PCDH15: variants seen among roughly 807,000 people sequenced by gnomAD.
The protein encoded by PCDH15 is protocadherin related 15, also known as protocadherin-15.
In PCDH15, 129 loss-of-function variants were observed where a neutral mutation model predicts 178.5. The ratio of observed to expected loss-of-function variants is 0.72; its 90% CI spans 0.63 to 0.84. The LOEUF is 0.84. Among genes scored for constraint, PCDH15 ranks in the 40% least tolerant of loss-of-function variants. The pLI, the probability that PCDH15 is intolerant of heterozygous loss-of-function variation, is 0.00. For missense variants in PCDH15, 2,230 were observed against 2,099.9 expected (o/e 1.06, Z -1.21); for synonymous variants, 800 against 732.0 (o/e 1.09, Z -1.50).
At chr10:54,538,714 G>T (rs1168249805) in intron 2 of PCDH15, among the ~76,000 whole-genome samples, 1 of 152,174 alleles carries the variant, frequency 6.6e-6, no homozygotes, top group African/African-American at 2.4e-5. Context: ...CACAAGATCT[G>T]GTTGTTTTGA....
chr10:54,325,799 G>A (rs1937894425), intron 7 of PCDH15, among the ~76,000 whole-genome samples: 1 of 151,794 alleles, frequency 6.6e-6, no homozygotes, highest in African/African-American at 2.4e-5. Flanking sequence ...GTCCCAGCTA[G>A]TTGGGAGGCT....
intron 9 of PCDH15, among the ~76,000 whole-genome samples, chr10:54,224,079 T>C (rs1309088693): frequency 6.6e-6 from 1 of 152,208 alleles, no homozygotes; most frequent in Non-Finnish European, 1.5e-5. Context: ...TGTTTATCTT[T>C]ACATATAAAA....
At chr10:54,974,236 AAAG>A (rs1256302544) in intron 2 of PCDH15, among the ~76,000 whole-genome samples, 1 of 152,122 alleles carries the variant, frequency 6.6e-6, no homozygotes, top group Non-Finnish European at 1.5e-5. Context: ...CAAAGAAGCT[AAAG>A]AAGTATTATA....
chr10:53,905,447 C>T (rs1238765781), intron 25 of PCDH15, among the ~76,000 whole-genome samples: 1 of 152,190 alleles, frequency 6.6e-6, no homozygotes, highest in Non-Finnish European at 1.5e-5. Context: ...CATTCTCCTG[C>T]CTCAGCGTCC....
intron 2 of PCDH15, among the ~76,000 whole-genome samples, chr10:55,520,682 G>C (rs1413881119): frequency 6.6e-6 from 1 of 151,478 alleles, no homozygotes; most frequent in African/African-American, 2.4e-5. Flanking sequence ...AAATGATTGA[G>C]AATGATACTT....
rs945426010 is a variant in PCDH15 at position 54,189,485 on chromosome 10, A to T, written c.1306-4217T>A. 4 of 663,892 alleles carry T rather than the reference A, an allele frequency of 6.0e-6. No individual in the cohort carries two copies. In the East Asian group the frequency reaches 1.4e-4, roughly 23 times the overall value. 41.1% of individuals were successfully genotyped at this position (663,892 alleles called of 1,614,324 possible). A position where few individuals can be genotyped will look rare whatever the true frequency, so the allele number is the denominator to read the frequency against. ...CCACTTCCAGCACACTAGACTGACA[A>T]TTTTTTTCAGAGTATACAATTTTTT... On this transcript the variant is annotated intron_variant, in intron 11 of 37. Coordinates refer to ENST00000644397, the MANE Select transcript of PCDH15 (RefSeq NM_001384140.1).
intron 3 of PCDH15, among the ~76,000 whole-genome samples, chr10:54,435,918 C>T (rs902941601): frequency 4.6e-5 from 7 of 150,900 alleles, no homozygotes; most frequent in Non-Finnish European, 5.9e-5. Context: ...TGCAGGGAGC[C>T]GAGATCGTGC....
At position 54,922,422 on chromosome 10, in the gene PCDH15, G is replaced by A. The variant is rs1158106212; in HGVS notation, c.-79-24922C>T. On this transcript the variant is annotated intron_variant, in intron 2 of 5. Coordinates refer to the PCDH15 transcript ENST00000458638. ...GCCCTATGCAATTCCAAACCCAGCCGGGCAGTCATTAAATCTCAAAGCTTA... is the reference window on the plus strand; with the variant it reads ...GCCCTATGCAATTCCAAACCCAGCCAGGCAGTCATTAAATCTCAAAGCTTA... Among the ~76,000 whole-genome samples the A allele has an allele frequency of 6.7e-4, 102 of 152,194 alleles. 1 individual carries two copies. The highest frequency in any genetic ancestry group is 1.0e-4 in the Non-Finnish European group (7 of 68,026).
intron 26 of PCDH15, among the ~76,000 whole-genome samples, chr10:53,872,760 T>C (rs1453229115): frequency 6.6e-6 from 1 of 152,216 alleles, no homozygotes; most frequent in Admixed American, 6.5e-5. Context: ...TTTCTTTAGT[T>C]CACAGATTCT....
intron 3 of PCDH15, among the ~76,000 whole-genome samples, chr10:54,830,473 C>T (rs562535604): frequency 6.6e-6 from 1 of 151,872 alleles, no homozygotes; most frequent in Non-Finnish European, 1.5e-5. Flanking sequence ...TCTCAGCAAA[C>T]TATCGCAAGG....
chr10:55,120,614 G>A (rs1281978408), intron 2 of PCDH15, among the ~76,000 whole-genome samples: 1 of 152,120 alleles, frequency 6.6e-6, no homozygotes, highest in Admixed American at 6.6e-5. Context: ...ACTACCAAGA[G>A]AAAGATGTGT....
intron 2 of PCDH15, among the ~76,000 whole-genome samples, chr10:55,371,237 T>A (rs535695409): frequency 7.2e-5 from 11 of 152,220 alleles, no homozygotes; most frequent in Admixed American, 7.2e-4. Flanking sequence ...GACTGATTAT[T>A]CTCAAATGTG....
At chr10:54,818,545 A>T (rs1190908086) in intron 3 of PCDH15, among the ~76,000 whole-genome samples, 1 of 152,044 alleles carries the variant, frequency 6.6e-6, no homozygotes, top group Non-Finnish European at 1.5e-5. Flanking sequence ...GTTCTCTTGA[A>T]ATGCTCACTT....
intron 3 of PCDH15, among the ~76,000 whole-genome samples, chr10:54,425,305 G>A (rs1474781005): frequency 6.6e-6 from 1 of 152,040 alleles, no homozygotes; most frequent in Non-Finnish European, 1.5e-5. Flanking sequence ...AAGGAAACTG[G>A]TGGATATATA....
At chr10:54,155,991 A>G (rs932352771) in intron 13 of PCDH15, among the ~76,000 whole-genome samples, 1 of 152,250 alleles carries the variant, frequency 6.6e-6, no homozygotes, top group Non-Finnish European at 1.5e-5. Context: ...TATGAAGCTC[A>G]TTTCTAATTT....
At chr10:54,664,393 T>G (rs2094538002) in intron 1 of PCDH15, 103 bp from the exon 2 acceptor site, 1 of 730,950 alleles carries the variant, frequency 1.4e-6, no homozygotes, top group African/African-American at 1.7e-5. Context: ...ACTTCATAGT[T>G]AATTACCTGT....
chr10:54,258,351 T>C (rs903480212), intron 8 of PCDH15, among the ~76,000 whole-genome samples: 2 of 152,134 alleles, frequency 1.3e-5, no homozygotes, highest in Admixed American at 6.6e-5. Flanking sequence ...ATAACAGATA[T>C]AAGGAAAAAC....
intron 3 of PCDH15, among the ~76,000 whole-genome samples, chr10:54,457,968 G>A (rs867131044): frequency 6.6e-6 from 1 of 152,166 alleles, no homozygotes; most frequent in African/African-American, 2.4e-5. Flanking sequence ...AGTGGCCACT[G>A]AATAACAATA....
intron 2 of PCDH15, among the ~76,000 whole-genome samples, chr10:55,476,658 T>C (rs1235216466): frequency 6.6e-6 from 1 of 152,026 alleles, no homozygotes; most frequent in East Asian, 1.9e-4. Context: ...ATCAGGTGGA[T>C]TGATATATTG....
Sources: gnomAD v4.1 joint callset for allele counts (sites outside exome capture counted in the v4.1 genomes callset) on GRCh38, gnomAD v4.1.1 for gene constraint, MANE v1.5 for transcripts, NCBI Gene and HGNC (gene_info 2026-07-23, HGNC 2026-07-21) for gene names.